ITFG1: variants seen among roughly 807,000 people sequenced by gnomAD.
ITFG1 encodes the protein T-cell immunomodulatory protein.
Under a neutral mutation model 81.8 loss-of-function variants are expected in ITFG1, and 34 were observed. The ratio of observed to expected loss-of-function variants is 0.42; its 90% CI spans 0.32 to 0.55. ITFG1 has a LOEUF of 0.55. ITFG1 is among the 20% of genes least tolerant of loss of function. The probability of loss-of-function intolerance (pLI) is 0.17; values close to 1 mark genes in which losing one functional copy is unlikely to be tolerated. For synonymous variants in ITFG1, 285 were observed against 270.6 expected, an observed-to-expected ratio of 1.05 and a Z score of -0.52; for missense variants, 672 against 755.4, an observed-to-expected ratio of 0.89 and a Z score of 1.29.
In ITFG1 at chr16:47,180,483, C is replaced by A. The variant is rs1465223522; in HGVS notation, c.1454-17819G>T. 2.6e-5 allele frequency among the ~76,000 whole-genome samples: 4 copies of A among 152,024 alleles called. No individual in the cohort carries two copies. The East Asian group carries it at 7.7e-4, about 29-fold the overall frequency. ...ATCTCGGCTCACTGCAATCTCCCTG[C>A]CTGATTCTCCTGCCTCAGCCTGCTG... On this transcript the variant is annotated intron_variant, in intron 14 of 17. Coordinates refer to ENST00000320640, the MANE Select transcript of ITFG1 (RefSeq NM_030790.5).
chr16:47,368,238 A>T (rs77903532), intron 7 of ITFG1, among the ~76,000 whole-genome samples: 1 of 99,092 alleles, frequency 1.0e-5, no homozygotes, highest in East Asian at 2.5e-4. Context: ...CGTCTCAATT[A>T]AAAAAAAAAA....
At chr16:47,454,661 A>G (rs746887973) in intron 2 of ITFG1, among the ~76,000 whole-genome samples, 1 of 152,186 alleles carries the variant, frequency 6.6e-6, no homozygotes, top group East Asian at 1.9e-4. Flanking sequence ...TTAAGAATGG[A>G]ATTTTTTTTA....
At chr16:47,208,419 T>C (rs1965526723) in intron 14 of ITFG1, among the ~76,000 whole-genome samples, 1 of 152,218 alleles carries the variant, frequency 6.6e-6, no homozygotes, top group African/African-American at 2.4e-5. Flanking sequence ...TATTATTTAT[T>C]CCCAGAGTCT....
intron 10 of ITFG1, among the ~76,000 whole-genome samples, chr16:47,294,854 C>A (rs1269601186): frequency 2.0e-5 from 3 of 151,626 alleles, no homozygotes. Flanking sequence ...GTTTTCATAT[C>A]TTTCTATTGT....
chr16:47,201,549 T>A (rs142739462), intron 14 of ITFG1, among the ~76,000 whole-genome samples: 1 of 152,278 alleles, frequency 6.6e-6, no homozygotes, highest in African/African-American at 2.4e-5. Flanking sequence ...ACTAAAAATA[T>A]CTTACTGAAT....
chr16:47,404,097 T>C (rs909681102), intron 6 of ITFG1, among the ~76,000 whole-genome samples: 6 of 152,036 alleles, frequency 3.9e-5, no homozygotes, highest in Admixed American at 6.6e-5. Flanking sequence ...GCCTCGTCTG[T>C]GGAAAAATAG....
At chr16:47,452,250 G>T (rs181283852) in intron 4 of ITFG1, among the ~76,000 whole-genome samples, 6 of 152,032 alleles carry the variant, frequency 3.9e-5, no homozygotes, top group African/African-American at 9.7e-5. Context: ...ACCAAAATAC[G>T]CTGTCAGAAA....
At chr16:47,297,646 T>TC (rs1039703601) in intron 10 of ITFG1, among the ~76,000 whole-genome samples, 2 of 151,810 alleles carry the variant, frequency 1.3e-5, no homozygotes, top group African/African-American at 2.4e-5. Context: ...TTTTTTTTTT[T>TC]TCTCTTTAAG....
chr16:47,238,104 A>ATT, intron 12 of ITFG1, 96 bp from the exon 13 acceptor site: 1 of 664,418 alleles, frequency 1.5e-6, no homozygotes, highest in Non-Finnish European at 2.6e-6. Context: ...TACTCTATTG[A>ATT]TTCATAATCA....
intron 8 of ITFG1, among the ~76,000 whole-genome samples, chr16:47,314,563 A>G (rs1967322383): frequency 6.6e-6 from 1 of 152,148 alleles, no homozygotes; most frequent in South Asian, 2.1e-4. Flanking sequence ...TAAGGCCTAC[A>G]GAGGTGAGGT....
chr16:47,399,004 T>A (rs1392347373), intron 6 of ITFG1, among the ~76,000 whole-genome samples: 1 of 152,206 alleles, frequency 6.6e-6, no homozygotes, highest in African/African-American at 2.4e-5. Context: ...CCTTTACCCT[T>A]AATCAGCTCT....
At chr16:47,331,598 T>C (rs1027543767) in intron 8 of ITFG1, among the ~76,000 whole-genome samples, 1 of 152,208 alleles carries the variant, frequency 6.6e-6, no homozygotes, top group Admixed American at 6.5e-5. Flanking sequence ...TCTTCTTTCA[T>C]TGAAATATCT....
intron 14 of ITFG1, among the ~76,000 whole-genome samples, chr16:47,188,471 G>C (rs1375352616): frequency 1.3e-5 from 2 of 150,938 alleles, no homozygotes; most frequent in Non-Finnish European, 3.0e-5. Flanking sequence ...TAGGGACATG[G>C]ATGAAATTGG....
intron 13 of ITFG1, among the ~76,000 whole-genome samples, chr16:47,229,433 A>G (rs1965792122): frequency 6.6e-6 from 1 of 152,144 alleles, no homozygotes; most frequent in African/African-American, 2.4e-5. Flanking sequence ...GGAGGGCCTG[A>G]GGAAAAACTG....
intron 8 of ITFG1, among the ~76,000 whole-genome samples, chr16:47,348,025 A>T (rs958301131): frequency 2.0e-5 from 3 of 152,218 alleles, no homozygotes; most frequent in Admixed American, 6.5e-5. Context: ...GAAAACTAAC[A>T]AACAGAAAGG....
intron 6 of ITFG1, among the ~76,000 whole-genome samples, chr16:47,418,335 A>G (rs2151605518): frequency 6.6e-6 from 1 of 152,070 alleles, no homozygotes; most frequent in Middle Eastern, 3.4e-3. Context: ...GTTGCCTCTT[A>G]CTCCGCTGAC....
intron 13 of ITFG1, 33 bp from the exon 14 acceptor site, chr16:47,218,979 G>T: frequency 2.1e-6 from 3 of 1,427,334 alleles, no homozygotes; most frequent in Non-Finnish European, 2.9e-6. Context: ...TTAAGGCTTG[G>T]AAAATAAGTG....
At position 47,238,000 on chromosome 16, in the gene ITFG1, CACT is replaced by C; in HGVS notation, c.1336_1338del (p.Ser446del). On this transcript the variant is annotated inframe_deletion, in exon 13 of 18. Transcript: ENST00000320640. ...CGAGGACAGTCATTAGAACACAGACCACTAAGAACTGTGGAAAAATAAACAGGC... is the reference window on the plus strand; with the variant it reads ...CGAGGACAGTCATTAGAACACAGACCAAGAACTGTGGAAAAATAAACAGGC... The C allele has an allele frequency of 6.8e-7, 1 of 1,470,664 alleles. No individual in the cohort carries two copies. The highest frequency in any genetic ancestry group is 1.3e-5 in the South Asian group (1 of 79,368). 91.1% of individuals were successfully genotyped at this position (1,470,664 alleles called of 1,614,324 possible).
chr16:47,460,134 C>A lies in ITFG1; in HGVS notation c.208+704G>T, dbSNP rs563888820. On this transcript the variant is annotated intron_variant, in intron 1 of 17. Coordinates refer to ENST00000320640, the MANE Select transcript of ITFG1 (RefSeq NM_030790.5). The stretch of plus-strand genomic sequence containing the variant: ...TAGCAAAGAAAGTAGACATTTGGAA[C>A]ACTAAGGTGATGACCAAGATGAGGA... 7.9e-5 allele frequency among the ~76,000 whole-genome samples: 12 copies of A among 152,356 alleles called. No individual in the cohort carries two copies. In the South Asian group the frequency reaches 2.3e-3, roughly 29 times the overall value.
Sources: gnomAD v4.1 joint callset for allele counts (sites outside exome capture counted in the v4.1 genomes callset) on GRCh38, gnomAD v4.1.1 for gene constraint, MANE v1.5 for transcripts, NCBI Gene and HGNC (gene_info 2026-07-23, HGNC 2026-07-21) for gene names.